Variants in PRAP1 observed in about 807,000 individuals in gnomAD.
PRAP1 encodes proline rich acidic protein 1.
In PRAP1, 12 loss-of-function variants were observed where a neutral mutation model predicts 14.6. That is an observed-to-expected ratio of 0.82 (90% CI 0.53 to 1.33). PRAP1 has a LOEUF of 1.33. PRAP1 is among the 40% of genes most tolerant of loss of function. PRAP1 has a pLI of 0.00. For missense variants in PRAP1, 160 were observed against 193.7 expected (o/e 0.83, Z 1.03); for synonymous variants, 81 against 80.3 (o/e 1.01, Z -0.04).
intron 2 of PRAP1, chr10:133,350,772 C>T (rs889111633): frequency 6.4e-6 from 1 of 155,114 alleles, no homozygotes; most frequent in Non-Finnish European, 1.4e-5. Context: ...CCTTCCTTGA[C>T]TGGAGACGCA....
At chr10:133,348,717 A>G (rs568557439) in intron 1 of PRAP1, among the ~76,000 whole-genome samples, 2,110 of 147,292 alleles carry the variant, frequency 0.014, 20 homozygotes, top group Non-Finnish European at 0.025. Flanking sequence ...TAGTAGAGAC[A>G]AGTTTTCACC....
chr10:133,350,980 C>A (rs28445771), intron 2 of PRAP1, among the ~76,000 whole-genome samples: 122,767 of 151,934 alleles, frequency 0.81, 52,901 homozygotes, highest in East Asian at 0.98. Context: ...CGGCTGACCG[C>A]GTTCTCTCGG....
intron 1 of PRAP1, among the ~76,000 whole-genome samples, chr10:133,349,107 CACAG>C (rs1386014442): frequency 3.3e-5 from 5 of 151,040 alleles, no homozygotes; most frequent in Middle Eastern, 3.2e-3. Context: ...CGCACGCACA[CACAG>C]ACACACTCCC....
chr10:133,350,370 C>T (rs535728063), intron 2 of PRAP1, among the ~76,000 whole-genome samples: 1 of 152,296 alleles, frequency 6.6e-6, no homozygotes, highest in South Asian at 2.1e-4. Context: ...ATGGACAGGC[C>T]TCAAGACACC....
Position 133,351,022 on chromosome 10 carries a change from A to C in PRAP1, c.76-359A>C, listed in dbSNP as rs59811762. Among the ~76,000 whole-genome samples the C allele has an allele frequency of 0.1, 15,601 of 152,146 alleles. 1,351 individuals carry two copies. The highest frequency in any genetic ancestry group is 0.24 in the African/African-American group (9,945 of 41,472). ...CCAGGAAGGGGTGGTGCAGACACAG[A>C]CCCAACCAGTCACTGCAGAAAACAG... On this transcript the variant is annotated intron_variant, in intron 2 of 4. Coordinates refer to ENST00000433452, the MANE Select transcript of PRAP1 (RefSeq NM_145202.5). The surrounding 1 kb of genome is among the most constrained non-coding windows in gnomAD (Gnocchi z 4.3).
intron 1 of PRAP1, among the ~76,000 whole-genome samples, chr10:133,348,476 A>G (rs999156423): frequency 3.3e-5 from 5 of 151,254 alleles, no homozygotes; most frequent in African/African-American, 1.2e-4. Context: ...AGTAGCTGCG[A>G]TTACAGGTGT....
rs533588807 is a variant in PRAP1, at chr10:133,352,466, G to C, written c.*26G>C. The C allele has an allele frequency of 6.3e-7, 1 of 1,598,680 alleles. No individual in the cohort carries two copies. On this transcript the variant is annotated 3_prime_UTR_variant, in exon 5 of 5. Transcript: ENST00000433452. ...GGCTCCAGGGGCCATCACTGCCCCCGCCCTGTCCCAAGGCCCAGGCTGTTG... is the reference window on the plus strand; with the variant it reads ...GGCTCCAGGGGCCATCACTGCCCCCCCCCTGTCCCAAGGCCCAGGCTGTTG...
chr10:133,348,608 G>A (rs1324021856), intron 1 of PRAP1, among the ~76,000 whole-genome samples: 1 of 151,736 alleles, frequency 6.6e-6, no homozygotes, highest in African/African-American at 2.4e-5. Flanking sequence ...CCACCTCCCA[G>A]GTTCAAGTGA....
At chr10:133,349,173 C>A (rs2133401494) in intron 1 of PRAP1, among the ~76,000 whole-genome samples, 1 of 151,512 alleles carries the variant, frequency 6.6e-6, no homozygotes, top group South Asian at 2.1e-4. Flanking sequence ...ACACACCCAC[C>A]CCCAAACCCT....
In PRAP1 at chr10:133,351,973, C is replaced by A; in HGVS notation, c.129-34C>A. 6.2e-7 allele frequency: 1 copy of A among 1,606,714 alleles called. No individual in the cohort carries two copies. The highest frequency in any genetic ancestry group is 1.7e-5 in the Admixed American group (1 of 59,566). On this transcript the variant is annotated intron_variant, in intron 3 of 4. Transcript: ENST00000433452. This position sits in a 1 kb window ranked among gnomAD's most constrained non-coding sequence, Gnocchi z 4.3. The stretch of plus-strand genomic sequence containing the variant: ...CGGGGGGTTCTGTCCACCTCCCCCA[C>A]CTGCATGTGGACCTGACCAAACTGT...
intron 1 of PRAP1, among the ~76,000 whole-genome samples, chr10:133,349,733 G>A (rs1848647848): frequency 6.6e-6 from 1 of 152,240 alleles, no homozygotes. Flanking sequence ...CCACACCCAT[G>A]TGCAAGTGTG....
At chr10:133,349,715 A>C (rs1589866345) in intron 1 of PRAP1, among the ~76,000 whole-genome samples, 1 of 151,408 alleles carries the variant, frequency 6.6e-6, no homozygotes, top group Non-Finnish European at 1.5e-5. Flanking sequence ...CTCCATACCC[A>C]CCCATACCCA....
chr10:133,348,150 G>A (rs1411435382), intron 1 of PRAP1, among the ~76,000 whole-genome samples: 2 of 152,148 alleles, frequency 1.3e-5, no homozygotes, highest in Non-Finnish European at 2.9e-5. Flanking sequence ...ACCGTGACCC[G>A]AATCCCAGGC....
At position 133,352,665 on chromosome 10, in the gene PRAP1, A is replaced by C; in HGVS notation, c.*225A>C. On this transcript the variant is annotated 3_prime_UTR_variant, in exon 5 of 5. Transcript: ENST00000433452. ...ATGGTGAAACCCCGTCTCTACTAAA[A>C]ATACAAAAATTAGCCGGGTATGGTG... 2.1e-6 allele frequency: 1 copy of C among 476,308 alleles called. No individual in the cohort carries two copies. 29.5% of individuals were successfully genotyped at this position (476,308 alleles called of 1,614,324 possible). A position where few individuals can be genotyped will look rare whatever the true frequency, so the allele number is the denominator to read the frequency against.
rs200604572 is a variant in PRAP1, at chr10:133,350,084, C to G, written c.9-11C>G. ...CCCTACCTCACACTTCCCTCTCTGG[C>G]CCCCCCTCAGGCTCCTCCTGGTCAC... On this transcript the variant is annotated splice_polypyrimidine_tract_variant and intron_variant, in intron 1 of 4. Coordinates refer to ENST00000433452, the MANE Select transcript of PRAP1 (RefSeq NM_145202.5). The G allele has an allele frequency of 6.2e-7, 1 of 1,610,908 alleles. No individual in the cohort carries two copies. Among genetic ancestry groups the G allele is most frequent in the East Asian group, 2.2e-5 (1 of 44,842 alleles).
chr10:133,350,862 C>T (rs529530474), intron 2 of PRAP1: 1 of 156,358 alleles, frequency 6.4e-6, no homozygotes, highest in East Asian at 1.9e-4. Context: ...CTGCTTTGCT[C>T]TCCTGTCTGT....
rs920801523 is a variant in PRAP1, at chr10:133,349,982, C to T, written c.9-113C>T. Reference sequence around the variant, plus strand: ...GAGCACAGTCCAGTAAAACTACCTGCGCTCCCAAGGAGGAACCCAGCCCAG... The same window carrying T: ...GAGCACAGTCCAGTAAAACTACCTGTGCTCCCAAGGAGGAACCCAGCCCAG... On this transcript the variant is annotated intron_variant, in intron 1 of 4. Coordinates refer to ENST00000433452, the MANE Select transcript of PRAP1 (RefSeq NM_145202.5). The T allele has an allele frequency of 1.8e-5, 15 of 847,872 alleles. 1 individual carries two copies. The highest frequency in any genetic ancestry group is 6.4e-5 in the South Asian group (4 of 62,198). The allele number at this position is 847,872 out of a possible 1,614,324, so 52.5% of individuals were successfully genotyped here. A position where few individuals can be genotyped will look rare whatever the true frequency, so the allele number is the denominator to read the frequency against.
At position 133,351,948 on chromosome 10, in the gene PRAP1, C is replaced by CG. The variant is rs1848686411; in HGVS notation, c.129-53dup. 3 of 1,581,898 alleles carry CG rather than the reference C, an allele frequency of 1.9e-6. No homozygotes were observed. Among genetic ancestry groups the CG allele is most frequent in the Non-Finnish European group, 2.6e-6 (3 of 1,167,054 alleles). On this transcript the variant is annotated intron_variant, in intron 3 of 4. Transcript: ENST00000433452. The surrounding 1 kb of genome is among the most constrained non-coding windows in gnomAD (Gnocchi z 4.3). ...CCCTGGGATGGTGGGCACCCTCCTG[C>CG]GGGGGGTTCTGTCCACCTCCCCCAC...
At position 133,352,486 on chromosome 10, in the gene PRAP1, C is replaced by A; in HGVS notation, c.*46C>A. On this transcript the variant is annotated 3_prime_UTR_variant, in exon 5 of 5. Transcript: ENST00000433452. ...CCCCCGCCCTGTCCCAAGGCCCAGG[C>A]TGTTGGGACTGGGACCCTCCCTACC... The A allele has an allele frequency of 6.5e-7, 1 of 1,539,746 alleles. No individual in the cohort carries two copies. Among genetic ancestry groups the A allele is most frequent in the Non-Finnish European group, 8.9e-7 (1 of 1,122,074 alleles).
Sources: gnomAD v4.1 joint callset for allele counts (sites outside exome capture counted in the v4.1 genomes callset) on GRCh38, gnomAD v4.1.1 for gene constraint, Gnocchi (gnomAD v3.1) non-coding constraint, MANE v1.5 for transcripts, NCBI Gene and HGNC (gene_info 2026-07-23, HGNC 2026-07-21) for gene names.